Variants in HABP4 observed in about 807,000 individuals in gnomAD.
HABP4 encodes the protein hyaluronan binding protein 4, also known as intracellular hyaluronan-binding protein 4.
HABP4 carries 32 observed loss-of-function variants against 44.1 expected under a neutral mutation model. That is an observed-to-expected ratio of 0.73 (90% CI 0.55 to 0.97). HABP4 has a LOEUF of 0.97. Ranked by LOEUF, HABP4 falls within the 50% of genes least tolerant of loss-of-function variation. HABP4 has a pLI of 0.00. For missense variants in HABP4, 503 were observed against 561.9 expected (o/e 0.90, Z 1.06); for synonymous variants, 216 against 218.0 (o/e 0.99, Z 0.08).
chr9:96,475,393 A>C (rs866255450), intron 5 of HABP4, among the ~76,000 whole-genome samples: 117 of 140,362 alleles, frequency 8.3e-4, no homozygotes, highest in Admixed American at 1.9e-3. Context: ...ACAACAACAA[A>C]AAAAAAAAAA....
chr9:96,474,691 C>T (rs989535175), intron 5 of HABP4, among the ~76,000 whole-genome samples: 33 of 152,232 alleles, frequency 2.2e-4, no homozygotes, highest in African/African-American at 7.7e-4. Context: ...TCTAATAATA[C>T]AATTATAATT....
chr9:96,457,832 A>C (rs192713935), intron 1 of HABP4, among the ~76,000 whole-genome samples: 5 of 152,352 alleles, frequency 3.3e-5, no homozygotes, highest in Admixed American at 2.6e-4. Flanking sequence ...TAAACAGTGC[A>C]CTGCACTTCG....
At chr9:96,463,212 C>T (rs544954246) in intron 2 of HABP4, among the ~76,000 whole-genome samples, 1 of 152,206 alleles carries the variant, frequency 6.6e-6, no homozygotes, top group African/African-American at 2.4e-5. Flanking sequence ...TCCCAAAGTT[C>T]TGGGATTGCA....
At chr9:96,480,659 TC>T (rs1468972129) in intron 5 of HABP4, among the ~76,000 whole-genome samples, 8 of 152,174 alleles carry the variant, frequency 5.3e-5, no homozygotes, top group Admixed American at 2.0e-4. Context: ...TCTGTACACT[TC>T]CCCCTAAATA....
intron 5 of HABP4, among the ~76,000 whole-genome samples, chr9:96,473,429 C>T (rs1310327176): frequency 1.3e-5 from 2 of 152,198 alleles, no homozygotes; most frequent in Non-Finnish European, 2.9e-5. Context: ...CCCTAAATAC[C>T]GAGCATCACC....
At position 96,484,295 on chromosome 9, in the gene HABP4, A is replaced by C. The variant is rs2131157981; in HGVS notation, c.828-167A>C. The C allele has an allele frequency of 7.4e-6, 4 of 539,268 alleles. No homozygotes were observed. In the East Asian group the frequency reaches 1.2e-4, roughly 16 times the overall value. 33.4% of individuals were successfully genotyped at this position (539,268 alleles called of 1,614,324 possible). Reference sequence around the variant, plus strand: ...TTGGCAGTGATGACATAAAATGTTGAAAATGAAATATGGAAGCTTGTGAGT... The same window carrying C: ...TTGGCAGTGATGACATAAAATGTTGCAAATGAAATATGGAAGCTTGTGAGT... On this transcript the variant is annotated intron_variant, in intron 5 of 7. Coordinates refer to ENST00000375249, the MANE Select transcript of HABP4 (RefSeq NM_014282.4).
At chr9:96,486,705 C>G (rs769484844) in intron 6 of HABP4, among the ~76,000 whole-genome samples, 23 of 152,100 alleles carry the variant, frequency 1.5e-4, no homozygotes, top group Non-Finnish European at 2.8e-4. Flanking sequence ...TTGGGTTCAT[C>G]AGTTTACTTT....
At chr9:96,463,752 A>G (rs909218234) in intron 2 of HABP4, among the ~76,000 whole-genome samples, 10 of 152,178 alleles carry the variant, frequency 6.6e-5, no homozygotes, top group Non-Finnish European at 1.5e-4. Flanking sequence ...TGAGTAAGGA[A>G]GATTGCGAGT....
chr9:96,461,437 GAGTTC>G (rs1435503078), intron 2 of HABP4, among the ~76,000 whole-genome samples: 1 of 151,976 alleles, frequency 6.6e-6, no homozygotes, highest in Non-Finnish European at 1.5e-5. Flanking sequence ...TCTGTTCTAA[GAGTTC>G]AGTTAAGTTT....
At chr9:96,459,056 G>C (rs117434764) in intron 2 of HABP4, among the ~76,000 whole-genome samples, 2 of 152,072 alleles carry the variant, frequency 1.3e-5, no homozygotes, top group African/African-American at 4.8e-5. Flanking sequence ...ATGCCTTTAC[G>C]TCTTGGTTCA....
At chr9:96,455,282 C>G (rs1832354382) in intron 1 of HABP4, among the ~76,000 whole-genome samples, 1 of 151,384 alleles carries the variant, frequency 6.6e-6, no homozygotes, top group South Asian at 2.1e-4. Flanking sequence ...GAAACCCTGT[C>G]TGTAGTAAAA....
intron 1 of HABP4, chr9:96,451,388 C>A: frequency 1.5e-6 from 1 of 671,228 alleles, no homozygotes; most frequent in Non-Finnish European, 1.8e-6. Context: ...GGGGAGGGTG[C>A]TTCAGAGTTC....
chr9:96,454,603 C>T (rs1171721788), intron 1 of HABP4, among the ~76,000 whole-genome samples: 1 of 152,158 alleles, frequency 6.6e-6, no homozygotes, highest in African/African-American at 2.4e-5. Context: ...ACGCCCGCCA[C>T]CACGCCTGGC....
intron 5 of HABP4, among the ~76,000 whole-genome samples, chr9:96,475,242 A>G (rs1015147581): frequency 6.6e-5 from 10 of 152,112 alleles, no homozygotes; most frequent in African/African-American, 2.4e-4. Context: ...TGGGTATGGT[A>G]GCGGGCACCT....
intron 2 of HABP4, among the ~76,000 whole-genome samples, chr9:96,462,983 GCT>G (rs1167060522): frequency 6.6e-6 from 1 of 151,758 alleles, no homozygotes; most frequent in Non-Finnish European, 1.5e-5. Flanking sequence ...TTCTTTTTTT[GCT>G]CTGTTTCCCA....
At chr9:96,471,164 G>C in intron 5 of HABP4, 70 bp downstream of exon 5, 1 of 843,768 alleles carries the variant, frequency 1.2e-6, no homozygotes, top group Non-Finnish European at 2.0e-6. Context: ...TTTTTTTTGA[G>C]ATGGAACTTG....
At chr9:96,457,109 G>A (rs1832407240) in intron 1 of HABP4, among the ~76,000 whole-genome samples, 1 of 151,656 alleles carries the variant, frequency 6.6e-6, no homozygotes, top group Non-Finnish European at 1.5e-5. Flanking sequence ...AAAGACCAGA[G>A]TCTCGGCCGG....
chr9:96,459,193 G>C (rs1056960402), intron 2 of HABP4, among the ~76,000 whole-genome samples: 5 of 152,126 alleles, frequency 3.3e-5, no homozygotes, highest in African/African-American at 1.2e-4. Context: ...TATAATTTTG[G>C]ACTAGGGATA....
intron 2 of HABP4, among the ~76,000 whole-genome samples, chr9:96,458,873 T>C (rs763961179): frequency 5.3e-5 from 8 of 152,134 alleles, no homozygotes; most frequent in Admixed American, 2.6e-4. Flanking sequence ...CCACCTGCCT[T>C]GGCCTGCCAA....
Sources: allele counts gnomAD v4.1 joint callset (sites outside exome capture counted in the v4.1 genomes callset), GRCh38; gene constraint gnomAD v4.1.1; transcripts MANE v1.5; gene names NCBI Gene and HGNC (gene_info 2026-07-23, HGNC 2026-07-21).